DAB2IP: variants seen among roughly 807,000 people sequenced by gnomAD.
DAB2IP encodes DAB2 interacting protein.
Under a neutral mutation model 107.2 loss-of-function variants are expected in DAB2IP, and 28 were observed. The observed-to-expected ratio is 0.26, with a 90% CI of 0.19 to 0.36. The LOEUF is 0.36. DAB2IP is among the 10% of genes least tolerant of loss of function. The pLI is 1.00. For missense variants in DAB2IP, 1,400 were observed against 1,644.7 expected (o/e 0.85, Z 2.57); for synonymous variants, 755 against 706.4 (o/e 1.07, Z -1.09).
intron 3 of DAB2IP, among the ~76,000 whole-genome samples, chr9:121,715,432 A>T (rs1324130014): frequency 6.7e-6 from 1 of 150,370 alleles, no homozygotes; most frequent in East Asian, 2.0e-4. Flanking sequence ...GGCTCACTGC[A>T]AGCTCCGCCT....
At chr9:121,581,171 G>A (rs1274630401) in intron 1 of DAB2IP, among the ~76,000 whole-genome samples, 1 of 152,174 alleles carries the variant, frequency 6.6e-6, no homozygotes, top group African/African-American at 2.4e-5. Context: ...CTGGGTGGCT[G>A]CCCACCTCTG....
At chr9:121,636,437 G>C (rs774290445) in intron 1 of DAB2IP, among the ~76,000 whole-genome samples, 1 of 152,260 alleles carries the variant, frequency 6.6e-6, no homozygotes, top group Non-Finnish European at 1.5e-5. Flanking sequence ...TTCAGGAGCA[G>C]GAGGGAGGAG....
Position 121,651,716 on chromosome 9 carries a change from C to T in DAB2IP, c.-60C>T, listed in dbSNP as rs1267568761. The T allele has an allele frequency of 3.8e-5, 45 of 1,175,774 alleles. No homozygotes were observed. Among genetic ancestry groups the T allele is most frequent in the Non-Finnish European group, 4.4e-5 (42 of 952,340 alleles). 72.8% of individuals were successfully genotyped at this position (1,175,774 alleles called of 1,614,324 possible). A position where few individuals can be genotyped will look rare whatever the true frequency, so the allele number is the denominator to read the frequency against. The stretch of plus-strand genomic sequence containing the variant: ...TGGGCGCCCGCCGGGCTGTCCGGAG[C>T]GGCCGATGGGGCCCGTGTGAGCGCG... On this transcript the variant is annotated 5_prime_UTR_variant, in exon 1 of 16. Coordinates refer to ENST00000408936, the Ensembl canonical transcript of DAB2IP. The surrounding 1 kb of genome is among the most constrained non-coding windows in gnomAD (Gnocchi z 5.1).
rs534690215 is a variant in DAB2IP at position 121,716,060 on chromosome 9, C to T, written c.362+16602C>T. ...TTCTGGAGCCCCACCCTGGGAGGGT[C>T]AGGGTCACAGGTCTAAGGGGGGCTC... On this transcript the variant is annotated intron_variant, in intron 3 of 15. Coordinates refer to ENST00000408936, the Ensembl canonical transcript of DAB2IP. Among the ~76,000 whole-genome samples, 3 of 152,336 alleles carry T rather than the reference C, an allele frequency of 2.0e-5. No individual in the cohort carries two copies. The South Asian group carries it at 6.2e-4, about 32-fold the overall frequency.
At position 121,760,833 on chromosome 9, in the gene DAB2IP, G is replaced by T. The variant is rs573000626; in HGVS notation, c.1170+394G>T. 1.7e-4 allele frequency among the ~76,000 whole-genome samples: 26 copies of T among 152,282 alleles called. No homozygotes were observed. Among genetic ancestry groups the T allele is most frequent in the Non-Finnish European group, 3.4e-4 (23 of 68,026 alleles). On this transcript the variant is annotated intron_variant, in intron 6 of 15. Coordinates refer to ENST00000408936, the Ensembl canonical transcript of DAB2IP. This position sits in a 1 kb window ranked among gnomAD's most constrained non-coding sequence, Gnocchi z 5.9. Reference sequence around the variant, plus strand: ...AGTGAGCCAAACACACGTCCCCTGTGGGGTATGGAGTTCGGCAGACCTCCC... The same window carrying T: ...AGTGAGCCAAACACACGTCCCCTGTTGGGTATGGAGTTCGGCAGACCTCCC...
chr9:121,711,006 G>A (rs111734210), intron 3 of DAB2IP, among the ~76,000 whole-genome samples: 194 of 152,300 alleles, frequency 1.3e-3, no homozygotes, highest in African/African-American at 4.4e-3. Flanking sequence ...TAAAGTCCAC[G>A]AATTTGATGG....
At chr9:121,656,850 G>A (rs893569765) in intron 1 of DAB2IP, among the ~76,000 whole-genome samples, 1 of 152,232 alleles carries the variant, frequency 6.6e-6, no homozygotes, top group East Asian at 1.9e-4. Flanking sequence ...GCTCAGAAAT[G>A]GTGGAGCCCA....
intron 3 of DAB2IP, among the ~76,000 whole-genome samples, chr9:121,743,691 G>T (rs905849113): frequency 2.6e-5 from 4 of 152,238 alleles, no homozygotes; most frequent in African/African-American, 7.2e-5. Context: ...GGCTTCCCGA[G>T]CCTGGTGGCT....
chr9:121,781,355 C>T, intron 14 of DAB2IP, 109 bp from the exon 15 acceptor site: 1 of 1,051,594 alleles, frequency 9.5e-7, no homozygotes, highest in Non-Finnish European at 1.4e-6. Flanking sequence ...CAAGGAGGGG[C>T]TCTCCTAGTG....
At chr9:121,577,662 A>G (rs1258033003) in intron 1 of DAB2IP, among the ~76,000 whole-genome samples, 1 of 151,992 alleles carries the variant, frequency 6.6e-6, no homozygotes, top group African/African-American at 2.4e-5. Context: ...AGCCCTGCCC[A>G]AGACCCTCTC....
At chr9:121,618,238 G>A (rs1831346851) in intron 1 of DAB2IP, among the ~76,000 whole-genome samples, 1 of 152,230 alleles carries the variant, frequency 6.6e-6, no homozygotes, top group Non-Finnish European at 1.5e-5. Context: ...GCTGGGAATG[G>A]GGAAAGGGGA....
chr9:121,733,785 G>T (rs528443947), intron 3 of DAB2IP, among the ~76,000 whole-genome samples: 1 of 152,360 alleles, frequency 6.6e-6, no homozygotes, highest in South Asian at 2.1e-4. Flanking sequence ...GGGGGCAGGA[G>T]GGGAGCCTCG....
chr9:121,567,608 G>A (rs1053128971), intron 1 of DAB2IP, among the ~76,000 whole-genome samples: 2 of 152,168 alleles, frequency 1.3e-5, no homozygotes, highest in Admixed American at 6.5e-5. Context: ...GCGATCCTGC[G>A]GATAAATATA....
At chr9:121,714,035 G>A (rs1306384729) in intron 3 of DAB2IP, among the ~76,000 whole-genome samples, 2 of 152,128 alleles carry the variant, frequency 1.3e-5, no homozygotes, top group Non-Finnish European at 2.9e-5. Context: ...GGGTTTTGAG[G>A]TCTACATGGG....
chr9:121,767,810 C>T (rs983092685), intron 9 of DAB2IP, among the ~76,000 whole-genome samples: 25 of 152,026 alleles, frequency 1.6e-4, no homozygotes, highest in African/African-American at 5.8e-4. Context: ...GGGAGGGGAG[C>T]GGGTACAGGA....
chr9:121,762,503 C>T (rs1470043483), intron 6 of DAB2IP, among the ~76,000 whole-genome samples: 3 of 152,170 alleles, frequency 2.0e-5, no homozygotes, highest in African/African-American at 7.2e-5. Flanking sequence ...CCCCTTTGCC[C>T]CTGCTGTCCC....
intron 3 of DAB2IP, among the ~76,000 whole-genome samples, chr9:121,741,953 C>T (rs1031690280): frequency 5.9e-5 from 9 of 151,886 alleles, no homozygotes; most frequent in African/African-American, 2.2e-4. Flanking sequence ...TGGCAGAGTC[C>T]GGGTTTGAAC....
chr9:121,581,244 C>T (rs1830187961), intron 1 of DAB2IP, among the ~76,000 whole-genome samples: 1 of 152,142 alleles, frequency 6.6e-6, no homozygotes, highest in African/African-American at 2.4e-5. Context: ...GACCCAGAGC[C>T]AAGGGGGTAG....
At chr9:121,673,402 A>G (rs1833760170) in intron 1 of DAB2IP, among the ~76,000 whole-genome samples, 1 of 152,196 alleles carries the variant, frequency 6.6e-6, no homozygotes, top group Non-Finnish European at 1.5e-5. Context: ...AACTCACTAT[A>G]GAGCTGCCCA....
Sources: allele counts gnomAD v4.1 joint callset (sites outside exome capture counted in the v4.1 genomes callset), GRCh38; gene constraint gnomAD v4.1.1; non-coding constraint Gnocchi (gnomAD v3.1); transcripts MANE v1.5; gene names NCBI Gene and HGNC (gene_info 2026-07-23, HGNC 2026-07-21).